The following SNX8 variants were observed in gnomAD, a reference collection of about 807,000 sequenced individuals.
SNX8 encodes the protein sorting nexin-8.
A neutral mutation model predicts 51.6 loss-of-function variants in SNX8; 25 were observed. The observed-to-expected ratio is 0.48, with a 90% CI of 0.35 to 0.68. The LOEUF (loss-of-function observed/expected upper bound fraction) is 0.68. SNX8 is among the 30% of genes least tolerant of loss of function. SNX8 has a pLI of 0.00. For synonymous variants in SNX8, 324 were observed against 277.0 expected (o/e 1.17, Z -1.68); for missense variants, 695 against 624.0 (o/e 1.11, Z -1.21).
chr7:2,272,384 T>A (rs1213359205), intron 3 of SNX8, among the ~76,000 whole-genome samples: 1 of 152,024 alleles, frequency 6.6e-6, no homozygotes, highest in Non-Finnish European at 1.5e-5. Context: ...TTTCTTTTTT[T>A]TTTTTTTGAG....
chr7:2,339,152 T>C (rs1043947047), intron 1 of SNX8, among the ~76,000 whole-genome samples: 54 of 152,094 alleles, frequency 3.6e-4, no homozygotes, highest in Non-Finnish European at 7.1e-4. Context: ...AAACCTCTCA[T>C]CTCAGCCTCC....
chr7:2,256,329 C>G (rs893737779), intron 10 of SNX8, among the ~76,000 whole-genome samples: 4 of 152,226 alleles, frequency 2.6e-5, no homozygotes, highest in Non-Finnish European at 5.9e-5. Context: ...GGCTTGAAAG[C>G]TACTTGCAGC....
At position 2,254,630 on chromosome 7, in the gene SNX8, C is replaced by T; in HGVS notation, c.*426G>A. ...TCCCCTCGCTGTCCGTGGTCAGTCC[C>T]ATGCCTGGGCTGCAGGGCAGCCCTG... On this transcript the variant is annotated 3_prime_UTR_variant, in exon 11 of 11. Transcript: ENST00000222990. The T allele has an allele frequency of 5.1e-6, 1 of 197,688 alleles. No homozygotes were observed. Among genetic ancestry groups the T allele is most frequent in the South Asian group, 8.3e-5 (1 of 12,082 alleles). 12.2% of individuals were successfully genotyped at this position (197,688 alleles called of 1,614,324 possible).
intron 4 of SNX8, among the ~76,000 whole-genome samples, chr7:2,270,641 G>T (rs911832033): frequency 6.6e-6 from 1 of 151,958 alleles, no homozygotes. Flanking sequence ...AATGCAGATC[G>T]CCTCCAAAGG....
chr7:2,309,706 G>C, intron 1 of SNX8: 1 of 446,760 alleles, frequency 2.2e-6, no homozygotes, highest in Non-Finnish European at 4.6e-6. Flanking sequence ...ACTCCAGCCT[G>C]GACAACAAGA....
At chr7:2,284,006 G>C (rs539508489) in intron 1 of SNX8, among the ~76,000 whole-genome samples, 6 of 152,216 alleles carry the variant, frequency 3.9e-5, no homozygotes, top group Admixed American at 1.3e-4. Context: ...TGTTGACCAG[G>C]CTTGTCCTGA....
At chr7:2,272,037 G>A (rs765862967) in intron 3 of SNX8, 66 bp from the exon 4 acceptor site, 25 of 1,598,578 alleles carry the variant, frequency 1.6e-5, no homozygotes, top group African/African-American at 4.0e-5. Flanking sequence ...TGCTCTGGGC[G>A]AGTTCTCAAA....
intron 1 of SNX8, among the ~76,000 whole-genome samples, chr7:2,347,016 G>C (rs551381504): frequency 6.6e-6 from 1 of 151,738 alleles, no homozygotes; most frequent in South Asian, 2.1e-4. Flanking sequence ...AAGAAGCCAA[G>C]CATCATAGGG....
intron 5 of SNX8, among the ~76,000 whole-genome samples, chr7:2,268,224 C>T (rs1795531101): frequency 7.0e-6 from 1 of 143,264 alleles, no homozygotes; most frequent in African/African-American, 2.7e-5. Flanking sequence ...AGCGCCTCTG[C>T]CCGGCGAGAC....
intron 1 of SNX8, among the ~76,000 whole-genome samples, chr7:2,292,249 T>G (rs1001345831): frequency 6.6e-6 from 1 of 151,494 alleles, no homozygotes; most frequent in Non-Finnish European, 1.5e-5. Flanking sequence ...GGCAACACAG[T>G]GAGACTCCAT....
chr7:2,295,868 T>C (rs1373151983), intron 1 of SNX8, among the ~76,000 whole-genome samples: 1 of 152,198 alleles, frequency 6.6e-6, no homozygotes, highest in Non-Finnish European at 1.5e-5. Context: ...TGTTTTTGTA[T>C]GTTTTGTCAA....
upstream of SNX8, chr7:2,354,416 G>A (rs114749401): frequency 2.0e-5 from 3 of 152,226 alleles, no homozygotes; most frequent in African/African-American, 7.2e-5. Flanking sequence ...CAGACGCCCT[G>A]AGCAATCGCC....
intron 1 of SNX8, among the ~76,000 whole-genome samples, chr7:2,309,354 C>A (rs975592856): frequency 6.6e-6 from 1 of 152,158 alleles, no homozygotes; most frequent in African/African-American, 2.4e-5. Context: ...GGCGAAACTT[C>A]GTCTCTACTA....
intron 1 of SNX8, among the ~76,000 whole-genome samples, chr7:2,349,969 C>T (rs181634231): frequency 3.3e-5 from 5 of 152,204 alleles, no homozygotes; most frequent in East Asian, 1.9e-4. Context: ...AGGCTACACC[C>T]GGAGCCACCC....
intron 4 of SNX8, among the ~76,000 whole-genome samples, chr7:2,269,994 C>T (rs891241021): frequency 1.3e-5 from 2 of 152,082 alleles, no homozygotes; most frequent in Non-Finnish European, 1.5e-5. Context: ...CCCGGGGCGG[C>T]GTCAGCCCCA....
intron 1 of SNX8, among the ~76,000 whole-genome samples, chr7:2,324,315 G>C (rs953950049): frequency 6.2e-5 from 9 of 144,020 alleles, no homozygotes; most frequent in Admixed American, 3.6e-4. Context: ...TTTTGAGACA[G>C]AGTTTCACTG....
intron 1 of SNX8, among the ~76,000 whole-genome samples, chr7:2,305,619 C>T (rs1796528076): frequency 6.6e-6 from 1 of 152,106 alleles, no homozygotes; most frequent in African/African-American, 2.4e-5. Flanking sequence ...CTGCCTCGGC[C>T]TCCCTAAGTG....
At chr7:2,279,677 G>A (rs545375089) in intron 1 of SNX8, among the ~76,000 whole-genome samples, 5 of 151,630 alleles carry the variant, frequency 3.3e-5, no homozygotes, top group African/African-American at 7.3e-5. Context: ...ACCTGAGTCC[G>A]GGAAGGCGGA....
chr7:2,344,260 T>C (rs1437632274), intron 1 of SNX8, among the ~76,000 whole-genome samples: 1 of 151,582 alleles, frequency 6.6e-6, no homozygotes, highest in Non-Finnish European at 1.5e-5. Flanking sequence ...GGTGGGAAGA[T>C]CGCTTGAGCT....
Sources: allele counts gnomAD v4.1 joint callset (sites outside exome capture counted in the v4.1 genomes callset), GRCh38; gene constraint gnomAD v4.1.1; transcripts MANE v1.5; gene names NCBI Gene and HGNC (gene_info 2026-07-23, HGNC 2026-07-21).